ZNF268: variants seen among roughly 807,000 people sequenced by gnomAD.
ZNF268 encodes the protein zinc finger protein 268, also known as zinc finger protein 3.
ZNF268 carries 20 observed loss-of-function variants against 29.3 expected under a neutral mutation model. The observed-to-expected ratio is 0.68, with a 90% CI of 0.48 to 0.99. ZNF268 has a LOEUF of 0.99. Ranked by LOEUF, ZNF268 falls within the 50% of genes least tolerant of loss-of-function variation. The pLI is 0.00. For missense variants in ZNF268, 1,240 were observed against 1,121.6 expected, an observed-to-expected ratio of 1.11 and a Z score of -1.51; for synonymous variants, 429 against 376.9, an observed-to-expected ratio of 1.14 and a Z score of -1.60.
At chr12:133,187,408 T>G (rs977263613) in intron 2 of ZNF268, among the ~76,000 whole-genome samples, 2 of 151,052 alleles carry the variant, frequency 1.3e-5, no homozygotes, top group Admixed American at 6.6e-5. Context: ...TTCTGATTTC[T>G]TTTACTTCAT....
rs544507598 is a variant in ZNF268 at position 133,204,735 on chromosome 12, T to C, written c.*205T>C. On this transcript the variant is annotated 3_prime_UTR_variant, in exon 6 of 6. Transcript: ENST00000536435. ...GATAGTAGACAATACACAGGAAAAC[T>C]GAATTTAGTAACCACTCTGAAAATT... is the stretch of plus-strand genomic sequence containing the variant. The C allele has an allele frequency of 1.0e-4, 43 of 426,242 alleles. No homozygotes were observed. In the South Asian group the frequency reaches 2.6e-3, roughly 26 times the overall value. 26.4% of individuals were successfully genotyped at this position (426,242 alleles called of 1,614,324 possible). A position where few individuals can be genotyped will look rare whatever the true frequency, so the allele number is the denominator to read the frequency against.
Position 133,210,330 on chromosome 12 carries a change from T to G in ZNF268, c.*5800T>G. 6.3e-6 allele frequency: 1 copy of G among 159,488 alleles called. No individual in the cohort carries two copies. The allele number at this position is 159,488 out of a possible 1,614,324, so 9.9% of individuals were successfully genotyped here. On this transcript the variant is annotated 3_prime_UTR_variant, in exon 6 of 6. Transcript: ENST00000536435. ...GGTTGTGAGGAAAAGGAAGCTTTAG[T>G]CCTCACTGTGGTTGCATCCCCCACC...
At position 133,202,780 on chromosome 12, in the gene ZNF268, G is replaced by A. The variant is rs561546907; in HGVS notation, c.1094G>A (p.Cys365Tyr). 1.9e-6 allele frequency: 3 copies of A among 1,610,460 alleles called. No individual in the cohort carries two copies. The highest frequency in any genetic ancestry group is 4.5e-5 in the East Asian group (2 of 44,856). ...TGENPYECCE[C>Y]GKVFSRKDQL... ...GAGAATCCCTATGAGTGCTGTGAATGTGGGAAAGTCTTCAGTAGGAAAGAC... is the reference window on the plus strand; with the variant it reads ...GAGAATCCCTATGAGTGCTGTGAATATGGGAAAGTCTTCAGTAGGAAAGAC... Residue 365 changes from cysteine (C) to tyrosine (Y), a missense_variant, in exon 6 of 6, where the codon TGT (cysteine) becomes TAT (tyrosine). By Grantham distance (194) the Cys-to-Tyr change is radical (BLOSUM62 -2). Transcript: ENST00000536435.
At position 133,206,084 on chromosome 12, in the gene ZNF268, A is replaced by G. The variant is rs1956893800; in HGVS notation, c.*1554A>G. 6.6e-6 allele frequency: 1 copy of G among 152,222 alleles called. No homozygotes were observed. The highest frequency in any genetic ancestry group is 2.1e-4 in the South Asian group (1 of 4,832). The allele number at this position is 152,222 out of a possible 1,614,324, so 9.4% of individuals were successfully genotyped here. A position where few individuals can be genotyped will look rare whatever the true frequency, so the allele number is the denominator to read the frequency against. On this transcript the variant is annotated 3_prime_UTR_variant, in exon 6 of 6. Transcript: ENST00000536435. ...TTTAATACATTCCTTGTTTGATTGC[A>G]TTAGCCATTGTGTATCTTTTGCATA...
intron 5 of ZNF268, 80 bp downstream of exon 5, chr12:133,192,083 C>A: frequency 1.1e-5 from 13 of 1,131,018 alleles, no homozygotes; most frequent in South Asian, 1.5e-5. Flanking sequence ...CTTGTTTGTA[C>A]TTTGCCTCGT....
In ZNF268 at chr12:133,182,911, AC is replaced by A. The variant is rs1003195836; in HGVS notation, c.33+886del. On this transcript the variant is annotated intron_variant, in intron 2 of 5. Transcript: ENST00000536435. Reference sequence around the variant, plus strand: ...TATCACATAGGGCAGGTGGTCCCCAACCCCCACGCTTCAGACTGGTACCAGT... The same window carrying A: ...TATCACATAGGGCAGGTGGTCCCCAACCCCACGCTTCAGACTGGTACCAGT... 6.6e-5 allele frequency among the ~76,000 whole-genome samples: 10 copies of A among 152,152 alleles called. No homozygotes were observed. The East Asian group carries it at 9.7e-4, about 15-fold the overall frequency.
chr12:133,190,962 C>G (rs1382622184), intron 3 of ZNF268, among the ~76,000 whole-genome samples: 1 of 151,996 alleles, frequency 6.6e-6, no homozygotes, highest in African/African-American at 2.4e-5. Flanking sequence ...ACTGTCCTGC[C>G]TTTAGTACTG....
At chr12:133,193,392 G>C (rs1010896721) in intron 5 of ZNF268, 5 of 624,070 alleles carry the variant, frequency 8.0e-6, no homozygotes, top group African/African-American at 7.3e-5. Flanking sequence ...TATAGACTAG[G>C]TAATTTTATA....
In ZNF268 at chr12:133,208,212, G is replaced by A. The variant is rs943667402; in HGVS notation, c.*3682G>A. On this transcript the variant is annotated 3_prime_UTR_variant, in exon 6 of 6. Transcript: ENST00000536435. ...AACTTTTTAAAAAGATTAGCCAGGT[G>A]TGGTCAGGCGCCGTGGCTCATGCCT... is the stretch of plus-strand genomic sequence containing the variant. 1 of 151,916 alleles carries A rather than the reference G, an allele frequency of 6.6e-6. No individual in the cohort carries two copies. The highest frequency in any genetic ancestry group is 2.4e-5 in the African/African-American group (1 of 41,332). The allele number at this position is 151,916 out of a possible 1,614,324, so 9.4% of individuals were successfully genotyped here.
chr12:133,185,333 T>A (rs546104794), intron 2 of ZNF268, among the ~76,000 whole-genome samples: 2 of 152,018 alleles, frequency 1.3e-5, no homozygotes, highest in East Asian at 3.9e-4. Flanking sequence ...ACATCCAGGA[T>A]GGGAACAGCC....
Position 133,207,360 on chromosome 12 carries a change from G to A in ZNF268, c.*2830G>A, listed in dbSNP as rs1336630182. ...TTAAAAATCCATATTTGTGAACATA[G>A]GTTTAAAAATTCTAAATGGAATTAT... On this transcript the variant is annotated 3_prime_UTR_variant, in exon 6 of 6. Coordinates refer to ENST00000536435, the MANE Select transcript of ZNF268 (RefSeq NM_003415.3). The A allele has an allele frequency of 1.1e-5, 1 of 89,960 alleles. No homozygotes were observed. Among genetic ancestry groups the A allele is most frequent in the Non-Finnish European group, 2.4e-5 (1 of 40,944 alleles). 5.6% of individuals were successfully genotyped at this position (89,960 alleles called of 1,614,324 possible). A position where few individuals can be genotyped will look rare whatever the true frequency, so the allele number is the denominator to read the frequency against.
At chr12:133,188,973 C>G (rs1162469949) in intron 3 of ZNF268, among the ~76,000 whole-genome samples, 1 of 152,028 alleles carries the variant, frequency 6.6e-6, no homozygotes, top group Non-Finnish European at 1.5e-5. Context: ...TTATCCTAAG[C>G]TCATAAAGAT....
rs1956986210 is a variant in ZNF268 at position 133,211,772 on chromosome 12, A to G, written c.*7242A>G. On this transcript the variant is annotated 3_prime_UTR_variant, in exon 6 of 6. Coordinates refer to ENST00000536435, the MANE Select transcript of ZNF268 (RefSeq NM_003415.3). ...GGAACTCTCATTCATTGCTGGTGCA[A>G]TGCATAATAGTATAGCCACTTTGGA... is the stretch of plus-strand genomic sequence containing the variant. 6.6e-6 allele frequency: 1 copy of G among 152,276 alleles called. No homozygotes were observed. Among genetic ancestry groups the G allele is most frequent in the Non-Finnish European group, 1.5e-5 (1 of 68,074 alleles). 9.4% of individuals were successfully genotyped at this position (152,276 alleles called of 1,614,324 possible).
In ZNF268 at chr12:133,205,654, T is replaced by G. The variant is rs1292454422; in HGVS notation, c.*1124T>G. The G allele has an allele frequency of 6.6e-6, 1 of 152,258 alleles. No homozygotes were observed. The highest frequency in any genetic ancestry group is 2.4e-5 in the African/African-American group (1 of 41,472). 9.4% of individuals were successfully genotyped at this position (152,258 alleles called of 1,614,324 possible). A position where few individuals can be genotyped will look rare whatever the true frequency, so the allele number is the denominator to read the frequency against. ...ACACTGCAAACATTTTTTAGGGCTA[T>G]CTTCTGCCCTTTGGAAGCAGTCTTG... On this transcript the variant is annotated 3_prime_UTR_variant, in exon 6 of 6. Coordinates refer to ENST00000536435, the MANE Select transcript of ZNF268 (RefSeq NM_003415.3).
chr12:133,188,860 C>T (rs1322772404), intron 3 of ZNF268, among the ~76,000 whole-genome samples: 8 of 152,078 alleles, frequency 5.3e-5, no homozygotes, highest in African/African-American at 1.9e-4. Context: ...TTTTTAGTCT[C>T]TTAATGCTTA....
rs1247414178 is a variant in ZNF268, at chr12:133,204,153, C to T, written c.2467C>T (p.Leu823Phe). The T allele has an allele frequency of 1.3e-6, 2 of 1,542,614 alleles. No individual in the cohort carries two copies. Among genetic ancestry groups the T allele is most frequent in the Admixed American group, 2.0e-5 (1 of 51,026 alleles). Residue 823 changes from leucine to phenylalanine, a missense_variant, in exon 6 of 6, where the codon CTC becomes TTC. Leu to Phe is a conservative substitution (Grantham distance 22, BLOSUM62 0). Transcript: ENST00000536435. The stretch of plus-strand genomic sequence containing the variant: ...GAAAGCCTTCATTTGGAAATCACTA[C>T]TCATTGTACATGAGCGAACTCATGC... Reference protein sequence around the residue: ...CGKAFIWKSLLIVHERTHAGV... With the variant: ...CGKAFIWKSLFIVHERTHAGV...
In ZNF268 at chr12:133,205,956, G is replaced by A. The variant is rs1414324202; in HGVS notation, c.*1426G>A. The A allele has an allele frequency of 6.6e-6, 1 of 152,184 alleles. No individual in the cohort carries two copies. Among genetic ancestry groups the A allele is most frequent in the African/African-American group, 2.4e-5 (1 of 41,442 alleles). 9.4% of individuals were successfully genotyped at this position (152,184 alleles called of 1,614,324 possible). The stretch of plus-strand genomic sequence containing the variant: ...TTTTGTTCTGTGGTAGCATGTTGAT[G>A]TAATAAGTAGCTATTTCAATAGAGG... On this transcript the variant is annotated 3_prime_UTR_variant, in exon 6 of 6. Coordinates refer to ENST00000536435, the MANE Select transcript of ZNF268 (RefSeq NM_003415.3).
chr12:133,198,667 G>A (rs965349559), intron 5 of ZNF268, among the ~76,000 whole-genome samples: 4 of 151,824 alleles, frequency 2.6e-5, no homozygotes, highest in African/African-American at 9.7e-5. Context: ...CTACCCATGA[G>A]CATGGAATGT....
intron 2 of ZNF268, among the ~76,000 whole-genome samples, chr12:133,186,384 CTT>C (rs778263126): frequency 2.2e-4 from 31 of 141,110 alleles, no homozygotes; most frequent in Admixed American, 4.3e-4. Flanking sequence ...AGGGAATAAT[CTT>C]TTTTTTTTTT....
Sources: gnomAD v4.1 joint callset for allele counts (sites outside exome capture counted in the v4.1 genomes callset) on GRCh38, gnomAD v4.1.1 for gene constraint, MANE v1.5 for transcripts, NCBI Gene and HGNC (gene_info 2026-07-23, HGNC 2026-07-21) for gene names.